Variants in VOPP1 observed in about 807,000 individuals in gnomAD.
VOPP1 encodes the protein VOPP1 WW domain binding protein, also known as WW domain binding protein VOPP1.
Under a neutral mutation model 23.5 loss-of-function variants are expected in VOPP1, and 8 were observed. The observed-to-expected ratio is 0.34, with a 90% CI of 0.20 to 0.61. VOPP1 has a LOEUF of 0.61. Among genes scored for constraint, VOPP1 ranks in the 20% least tolerant of loss-of-function variants. The pLI is 0.78. For synonymous variants in VOPP1, 83 were observed against 97.3 expected, an observed-to-expected ratio of 0.85 and a Z score of 0.86; for missense variants, 174 against 238.1, an observed-to-expected ratio of 0.73 and a Z score of 1.77.
chr7:55,572,358 C>T lies in VOPP1; in HGVS notation c.-34G>A. 2.0e-5 allele frequency: 26 copies of T among 1,318,146 alleles called. No homozygotes were observed. The highest frequency in any genetic ancestry group is 2.5e-5 in the Non-Finnish European group (26 of 1,033,910). The allele number at this position is 1,318,146 out of a possible 1,614,324, so 81.7% of individuals were successfully genotyped here. On this transcript the variant is annotated 5_prime_UTR_variant, in exon 1 of 5. Transcript: ENST00000285279. ...GCGTCCTCTCCAGCGCGCCCGGACGCCGGGTCGCAGGCGCGCTTCGCGACT... is the reference window on the plus strand; with the variant it reads ...GCGTCCTCTCCAGCGCGCCCGGACGTCGGGTCGCAGGCGCGCTTCGCGACT...
intron 4 of VOPP1, among the ~76,000 whole-genome samples, chr7:55,487,153 C>T (rs1358373624): frequency 1.3e-5 from 2 of 152,204 alleles, no homozygotes; most frequent in Non-Finnish European, 2.9e-5. Context: ...ACTGTCAAAA[C>T]ACCCTCCCTA....
At chr7:55,512,259 C>G (rs930920903) in intron 2 of VOPP1, among the ~76,000 whole-genome samples, 1 of 152,040 alleles carries the variant, frequency 6.6e-6, no homozygotes. Flanking sequence ...AGCCCCATCT[C>G]TACTAAAAAT....
At chr7:55,509,073 A>C (rs1382235605) in intron 2 of VOPP1, among the ~76,000 whole-genome samples, 1 of 152,172 alleles carries the variant, frequency 6.6e-6, no homozygotes, top group Non-Finnish European at 1.5e-5. Flanking sequence ...TTTTATAATA[A>C]ATTTCCTATC....
intron 1 of VOPP1, among the ~76,000 whole-genome samples, chr7:55,525,193 A>G (rs1584028168): frequency 6.6e-6 from 1 of 152,132 alleles, no homozygotes; most frequent in East Asian, 1.9e-4. Context: ...CCTCGTTTGT[A>G]AGAGTACAGA....
At chr7:55,494,002 G>A (rs915186598) in intron 3 of VOPP1, among the ~76,000 whole-genome samples, 20 of 152,128 alleles carry the variant, frequency 1.3e-4, no homozygotes, top group African/African-American at 4.8e-4. Context: ...ACAAGCTGAA[G>A]GGGAAGAAGG....
intron 4 of VOPP1, among the ~76,000 whole-genome samples, chr7:55,450,544 T>C (rs866197894): frequency 1.3e-5 from 2 of 152,274 alleles, no homozygotes; most frequent in African/African-American, 2.4e-5. Context: ...CACATACTTT[T>C]ATATCATTAC....
intron 4 of VOPP1, among the ~76,000 whole-genome samples, chr7:55,439,723 G>C (rs1790918374): frequency 6.6e-6 from 1 of 152,246 alleles, no homozygotes; most frequent in Admixed American, 6.5e-5. Context: ...CGCTGCCTCT[G>C]AGTGCTTCAG....
intron 1 of VOPP1, among the ~76,000 whole-genome samples, chr7:55,543,082 A>AT (rs1465213673): frequency 2.6e-5 from 4 of 151,670 alleles, no homozygotes; most frequent in Non-Finnish European, 5.9e-5. Flanking sequence ...CGCCCGGCTA[A>AT]TTTTTTGTGT....
At position 55,470,940 on chromosome 7, in the gene VOPP1, GAATACAA is replaced by G. The variant is rs1314353135; in HGVS notation, c.*1908_*1914del. On this transcript the variant is annotated 3_prime_UTR_variant, in exon 5 of 5. Transcript: ENST00000285279. ...CAAACTCTGTCTCACACAAACATGG[GAATACAA>G]AATTGTTGAGCCCTAGCCATCACTG... is the stretch of plus-strand genomic sequence containing the variant. The G allele has an allele frequency of 6.6e-6, 1 of 152,250 alleles. No individual in the cohort carries two copies. The highest frequency in any genetic ancestry group is 1.5e-5 in the Non-Finnish European group (1 of 68,018). 9.4% of individuals were successfully genotyped at this position (152,250 alleles called of 1,614,324 possible).
downstream of VOPP1, among the ~76,000 whole-genome samples, chr7:55,465,857 A>G (rs1791618367): frequency 6.6e-6 from 1 of 152,182 alleles, no homozygotes; most frequent in African/African-American, 2.4e-5. Context: ...ACTCTCTCAC[A>G]TCTACTCTGT....
chr7:55,515,245 T>A (rs748942040), intron 2 of VOPP1, among the ~76,000 whole-genome samples: 2 of 152,224 alleles, frequency 1.3e-5, no homozygotes, highest in Middle Eastern at 3.4e-3. Context: ...CCAAGAGGCC[T>A]CCCACTACCC....
chr7:55,572,237 G>A (rs1389351799), intron 1 of VOPP1, 34 bp downstream of exon 1: 3 of 1,502,108 alleles, frequency 2.0e-6, no homozygotes, highest in Non-Finnish European at 1.8e-6. Context: ...GGTGGGCGCC[G>A]CGCCTCCGGC....
intron 1 of VOPP1, among the ~76,000 whole-genome samples, chr7:55,550,515 C>CAT (rs1270188360): frequency 6.6e-6 from 1 of 152,168 alleles, no homozygotes. Context: ...TGTCAGTAAG[C>CAT]TCCGGTCTAG....
At chr7:55,557,906 A>C (rs1401469630) in intron 1 of VOPP1, among the ~76,000 whole-genome samples, 1 of 152,180 alleles carries the variant, frequency 6.6e-6, no homozygotes, top group Non-Finnish European at 1.5e-5. Flanking sequence ...AACTTCCTCC[A>C]AGTCTGCACT....
chr7:55,437,897 A>T (rs377303671), intron 4 of VOPP1, among the ~76,000 whole-genome samples: 5 of 142,918 alleles, frequency 3.5e-5, no homozygotes, highest in African/African-American at 7.7e-5. Context: ...TCCTGTTTGT[A>T]TTTTTTTTTT....
At chr7:55,505,346 G>C (rs1383325396) in intron 2 of VOPP1, among the ~76,000 whole-genome samples, 1 of 152,104 alleles carries the variant, frequency 6.6e-6, no homozygotes, top group Admixed American at 6.5e-5. Context: ...CCTTCCCAAA[G>C]TCCAGCAGTC....
chr7:55,498,544 C>T (rs1361049065), intron 2 of VOPP1, among the ~76,000 whole-genome samples: 1 of 152,186 alleles, frequency 6.6e-6, no homozygotes, highest in Non-Finnish European at 1.5e-5. Flanking sequence ...CAAACCCTTC[C>T]GTTTTACAGA....
intron 4 of VOPP1, among the ~76,000 whole-genome samples, chr7:55,490,047 CAGA>C (rs1280546486): frequency 6.6e-6 from 1 of 152,040 alleles, no homozygotes; most frequent in Non-Finnish European, 1.5e-5. Context: ...AAACTGGACA[CAGA>C]GGAGCGGGGA....
chr7:55,449,306 T>C (rs1218327240), intron 4 of VOPP1, among the ~76,000 whole-genome samples: 2 of 152,126 alleles, frequency 1.3e-5, no homozygotes, highest in Admixed American at 6.5e-5. Context: ...ACGCCGGCCT[T>C]CCGGGCCCAG....
Sources: allele counts gnomAD v4.1 joint callset (sites outside exome capture counted in the v4.1 genomes callset), GRCh38; gene constraint gnomAD v4.1.1; transcripts MANE v1.5; gene names NCBI Gene and HGNC (gene_info 2026-07-23, HGNC 2026-07-21).